The following TMEM164 variants were observed in gnomAD, a reference collection of about 807,000 sequenced individuals.
The protein encoded by TMEM164 is transmembrane protein 164.
TMEM164 carries 4 observed loss-of-function variants against 18.8 expected under a neutral mutation model. The observed-to-expected ratio is 0.21, with a 90% CI of 0.10 to 0.49. The LOEUF is 0.49. Ranked by LOEUF, TMEM164 falls within the 20% of genes least tolerant of loss-of-function variation. The pLI is 0.98. For missense variants in TMEM164, 108 were observed against 239.9 expected (o/e 0.45, Z 3.63); for synonymous variants, 86 against 101.7 (o/e 0.85, Z 0.93).
chrX:110,144,157 T>G (rs1300053734), intron 4 of TMEM164, among the ~76,000 whole-genome samples: 1 of 111,904 alleles, frequency 8.9e-6, no homozygotes, highest in Non-Finnish European at 1.9e-5. Flanking sequence ...GTAGGGCTAA[T>G]GCTGGGCTGA....
intron 2 of TMEM164, among the ~76,000 whole-genome samples, chrX:110,012,631 G>C (rs990774055): frequency 1.8e-5 from 2 of 111,861 alleles, no homozygotes; most frequent in African/African-American, 6.5e-5. Flanking sequence ...CTGACCCCCA[G>C]GGTTTCATAT....
At chrX:110,111,472 C>G (rs775183863) in intron 4 of TMEM164, among the ~76,000 whole-genome samples, 1 of 112,108 alleles carries the variant, frequency 8.9e-6, no homozygotes, top group Non-Finnish European at 1.9e-5. Flanking sequence ...ACTGAGAAGT[C>G]AGGCAGATAG....
chrX:110,044,604 T>C (rs1935237530), intron 2 of TMEM164, among the ~76,000 whole-genome samples: 1 of 94,376 alleles, frequency 1.1e-5, no homozygotes, highest in Admixed American at 1.2e-4. Flanking sequence ...TTTTTTTTTT[T>C]TTTTTTTTTT....
At chrX:110,100,756 T>A (rs1480024505) in intron 3 of TMEM164, among the ~76,000 whole-genome samples, 7 of 109,948 alleles carry the variant, frequency 6.4e-5, no homozygotes, top group Non-Finnish European at 1.3e-4. Context: ...ATTTTTTTTT[T>A]ATTTTTATTT....
chrX:110,004,466 A>G (rs776609420), intron 2 of TMEM164, among the ~76,000 whole-genome samples: 1 of 110,900 alleles, frequency 9.0e-6, no homozygotes, highest in African/African-American at 3.3e-5. Flanking sequence ...GGCTTTCACA[A>G]GCAGGAATTC....
chrX:110,094,839 G>A lies in TMEM164; in HGVS notation c.441-14241G>A, dbSNP rs190867400. Among the ~76,000 whole-genome samples the A allele has an allele frequency of 3.2e-3, 363 of 111,870 alleles. 2 individuals are homozygous for A. In the South Asian group the frequency reaches 0.041, roughly 13 times the overall value. Reference sequence around the variant, plus strand: ...TACCGGTTGTTTCTTTCCATGTTTAGTGTTTCTTTCAGGAGCTCTTGTAAG... The same window carrying A: ...TACCGGTTGTTTCTTTCCATGTTTAATGTTTCTTTCAGGAGCTCTTGTAAG... On this transcript the variant is annotated intron_variant, in intron 3 of 6. Transcript: ENST00000372068.
intron 2 of TMEM164, among the ~76,000 whole-genome samples, chrX:110,010,455 G>A (rs900037376): frequency 2.7e-5 from 3 of 112,859 alleles, no homozygotes; most frequent in African/African-American, 9.7e-5. Context: ...GTGGAAAGCG[G>A]TGATTGTCAA....
Position 110,100,817 on chromosome X carries a change from C to T in TMEM164, c.441-8263C>T, listed in dbSNP as rs533423676. 1.9e-4 allele frequency among the ~76,000 whole-genome samples: 21 copies of T among 110,764 alleles called. No homozygotes were observed. The South Asian group carries it at 4.7e-3, about 25-fold the overall frequency. On this transcript the variant is annotated intron_variant, in intron 3 of 6. Coordinates refer to ENST00000372068, the MANE Select transcript of TMEM164 (RefSeq NM_032227.4). ...TGTTAGCCAGGATGGTCTCGATCTC[C>T]TGACCTCGTGATCCGCCCACCTCAG...
chrX:110,105,693 C>G lies in TMEM164; in HGVS notation c.441-3387C>G, dbSNP rs1319097269. Among the ~76,000 whole-genome samples, 5 of 98,348 alleles carry G rather than the reference C, an allele frequency of 5.1e-5. No homozygotes were observed. The East Asian group carries it at 9.1e-4, about 18-fold the overall frequency. 85.4% of individuals were successfully genotyped at this position (98,348 alleles called of 115,157 possible). On this transcript the variant is annotated intron_variant, in intron 3 of 6. Coordinates refer to ENST00000372068, the MANE Select transcript of TMEM164 (RefSeq NM_032227.4). ...ATAGAAACACAGACACACACACACA[C>G]ACACACACACACACACACACACACA...
intron 3 of TMEM164, among the ~76,000 whole-genome samples, chrX:110,105,749 A>AAGAGAGAG (rs1569331132): frequency 1.3e-3 from 68 of 53,865 alleles, no homozygotes; most frequent in Admixed American, 4.8e-3. Context: ...GAGAGAGAGA[A>AAGAGAGAG]TGAGAGAGAG....
intron 5 of TMEM164, among the ~76,000 whole-genome samples, chrX:110,158,393 G>T (rs971505472): frequency 1.8e-5 from 2 of 111,780 alleles, no homozygotes; most frequent in African/African-American, 6.5e-5. Context: ...CAATGTTGAG[G>T]CTTTGTAAGT....
At chrX:110,037,890 A>G (rs1934887885) in intron 2 of TMEM164, among the ~76,000 whole-genome samples, 1 of 111,155 alleles carries the variant, frequency 9.0e-6, no homozygotes, top group Admixed American at 9.5e-5. Flanking sequence ...TCCGTCCTTT[A>G]TTAGATTGCT....
At chrX:110,149,454 G>A (rs1340778247) in intron 5 of TMEM164, among the ~76,000 whole-genome samples, 1 of 111,866 alleles carries the variant, frequency 8.9e-6, no homozygotes, top group East Asian at 2.8e-4. Context: ...TGCATTGGAT[G>A]GTATTGATCA....
In TMEM164 at chrX:110,017,572, A is replaced by ATT. The variant is rs1215521293; in HGVS notation, c.390+13421_390+13422dup. Among the ~76,000 whole-genome samples the ATT allele has an allele frequency of 2.0e-4, 10 of 50,348 alleles. 1 individual carries two copies. Among genetic ancestry groups the ATT allele is most frequent in the Admixed American group, 9.6e-4 (4 of 4,161 alleles). 43.7% of individuals were successfully genotyped at this position (50,348 alleles called of 115,157 possible). A position where few individuals can be genotyped will look rare whatever the true frequency, so the allele number is the denominator to read the frequency against. On this transcript the variant is annotated intron_variant, in intron 2 of 6. Transcript: ENST00000372068. ...CTTCCTTCCTTCCTTTCTTTCTTTC[A>ATT]TTTTTTTTTTTTTTGAGACGGAGTT...
At chrX:110,018,880 A>G (rs947941616) in intron 2 of TMEM164, among the ~76,000 whole-genome samples, 1 of 109,088 alleles carries the variant, frequency 9.2e-6, no homozygotes, top group Non-Finnish European at 1.9e-5. Context: ...TGCTGTGAAT[A>G]TATGAATGTG....
At chrX:110,064,742 T>C (rs1238503841) in intron 2 of TMEM164, among the ~76,000 whole-genome samples, 5 of 109,934 alleles carry the variant, frequency 4.5e-5, no homozygotes, top group African/African-American at 1.7e-4. Flanking sequence ...TTTGGTAGGC[T>C]GAGGCAGGAG....
intron 4 of TMEM164, among the ~76,000 whole-genome samples, chrX:110,135,601 G>T (rs188850361): frequency 1.8e-5 from 2 of 110,820 alleles, no homozygotes; most frequent in Non-Finnish European, 3.8e-5. Context: ...TTTCTTCTTC[G>T]GTGTACTGTA....
At position 110,164,310 on chromosome X, in the gene TMEM164, T is replaced by C. The variant is rs775450146; in HGVS notation, c.587-7110T>C. 4.1e-4 allele frequency among the ~76,000 whole-genome samples: 46 copies of C among 111,103 alleles called. 1 individual carries two copies. The South Asian group carries it at 8.4e-3, about 20-fold the overall frequency. On this transcript the variant is annotated intron_variant, in intron 5 of 6. Transcript: ENST00000372068. ...CGTATGCAAGGGATAATTAGAATCATGGGCCATGGAATTTAAGGACAGAAA... is the reference window on the plus strand; with the variant it reads ...CGTATGCAAGGGATAATTAGAATCACGGGCCATGGAATTTAAGGACAGAAA...
At chrX:110,084,412 T>TATATATATATATA (rs58569936) in intron 3 of TMEM164, among the ~76,000 whole-genome samples, 32 of 1,053 alleles carry the variant, frequency 0.03, 1 homozygote, top group South Asian at 0.13. Context: ...ATATATATAG[T>TATATATATATATA]GTATATATAT....
Sources: allele counts gnomAD v4.1 joint callset (sites outside exome capture counted in the v4.1 genomes callset), GRCh38; gene constraint gnomAD v4.1.1; transcripts MANE v1.5; gene names NCBI Gene and HGNC (gene_info 2026-07-23, HGNC 2026-07-21).